EXOC6B: variants seen among roughly 807,000 people sequenced by gnomAD.
EXOC6B encodes the protein exocyst complex component 6B.
EXOC6B carries 54 observed loss-of-function variants against 113.5 expected under a neutral mutation model. The ratio of observed to expected loss-of-function variants is 0.48; its 90% CI spans 0.38 to 0.60. The LOEUF is 0.60. Among genes scored for constraint, EXOC6B ranks in the 20% least tolerant of loss-of-function variants. The pLI is 0.00. For synonymous variants in EXOC6B, 357 were observed against 339.0 expected (o/e 1.05, Z -0.58); for missense variants, 797 against 977.5 (o/e 0.82, Z 2.46).
intron 18 of EXOC6B, among the ~76,000 whole-genome samples, chr2:72,439,920 TCTC>T (rs1558667701): frequency 6.6e-6 from 1 of 152,162 alleles, no homozygotes; most frequent in East Asian, 1.9e-4. Flanking sequence ...ATTGGCCACT[TCTC>T]CATATGGCTG....
At chr2:72,822,468 G>C (rs946486014) in intron 1 of EXOC6B, among the ~76,000 whole-genome samples, 1 of 152,086 alleles carries the variant, frequency 6.6e-6, no homozygotes, top group Non-Finnish European at 1.5e-5. Flanking sequence ...AACATTGCAT[G>C]TACAGCTCAA....
intron 18 of EXOC6B, among the ~76,000 whole-genome samples, chr2:72,395,999 A>G (rs1260130541): frequency 6.6e-6 from 1 of 152,116 alleles, no homozygotes; most frequent in African/African-American, 2.4e-5. Flanking sequence ...AGAATTAAAT[A>G]TTCCACATTT....
intron 6 of EXOC6B, among the ~76,000 whole-genome samples, chr2:72,700,563 T>G (rs563808998): frequency 3.9e-5 from 6 of 152,338 alleles, no homozygotes; most frequent in African/African-American, 1.4e-4. Context: ...ATTCAGTGGT[T>G]ACAGAGTTTC....
At chr2:72,195,469 C>T (rs780766609) in intron 20 of EXOC6B, among the ~76,000 whole-genome samples, 3 of 152,150 alleles carry the variant, frequency 2.0e-5, no homozygotes, top group African/African-American at 4.8e-5. Context: ...GGAACTGCTG[C>T]CACAGATGTT....
chr2:72,401,621 A>G (rs1213017142), intron 18 of EXOC6B, among the ~76,000 whole-genome samples: 3 of 42,858 alleles, frequency 7.0e-5, no homozygotes, highest in South Asian at 4.9e-4. Flanking sequence ...ATATATATAT[A>G]CATATATATA....
chr2:72,551,509 CT>C (rs796570008), intron 8 of EXOC6B, among the ~76,000 whole-genome samples: 1,102 of 109,792 alleles, frequency 0.01, 10 homozygotes, highest in African/African-American at 0.029. Flanking sequence ...ATAATAAAAT[CT>C]TTTTTTTTTT....
intron 19 of EXOC6B, among the ~76,000 whole-genome samples, chr2:72,364,146 C>T (rs975071549): frequency 1.3e-5 from 2 of 151,966 alleles, no homozygotes; most frequent in African/African-American, 2.4e-5. Flanking sequence ...CTTTTATACG[C>T]CTCTGTATAG....
intron 18 of EXOC6B, among the ~76,000 whole-genome samples, chr2:72,393,247 C>T (rs994682466): frequency 2.6e-5 from 4 of 152,020 alleles, no homozygotes; most frequent in African/African-American, 9.7e-5. Flanking sequence ...GCGCATACCA[C>T]CACGCCCAGC....
intron 6 of EXOC6B, among the ~76,000 whole-genome samples, chr2:72,588,533 A>T (rs1705725402): frequency 6.6e-6 from 1 of 152,038 alleles, no homozygotes. Flanking sequence ...GCAAGGGAAT[A>T]TGGGGCGTTA....
intron 21 of EXOC6B, chr2:72,182,861 G>T (rs1678178490): frequency 1.6e-6 from 2 of 1,226,062 alleles, no homozygotes; most frequent in Admixed American, 4.2e-5. Context: ...GCCTCAAAGT[G>T]ATGGAAAAGG....
In EXOC6B at chr2:72,540,057, G is replaced by A. The variant is rs138021417; in HGVS notation, c.915+19396C>T. 8.5e-3 allele frequency among the ~76,000 whole-genome samples: 1,255 copies of A among 147,608 alleles called. 14 individuals carry two copies. The highest frequency in any genetic ancestry group is 0.025 in the African/African-American group (985 of 39,886). ...GAGAATATGCGGTGTTTGGTTTTTT[G>A]TTCTTGCGATAGTTTACTGAGAATG... On this transcript the variant is annotated intron_variant, in intron 8 of 21. Transcript: ENST00000272427.
chr2:72,491,081 C>A (rs2105537613), intron 16 of EXOC6B, among the ~76,000 whole-genome samples: 1 of 152,294 alleles, frequency 6.6e-6, no homozygotes, highest in South Asian at 2.1e-4. Context: ...TTCACTCCAA[C>A]CTTCCTTTTC....
chr2:72,621,596 T>C (rs1328293661), intron 6 of EXOC6B, among the ~76,000 whole-genome samples: 28 of 152,176 alleles, frequency 1.8e-4, no homozygotes, highest in Admixed American at 1.8e-3. Flanking sequence ...GTAACAAATC[T>C]ATACGTATCC....
At chr2:72,800,682 C>T (rs559303021) in intron 1 of EXOC6B, among the ~76,000 whole-genome samples, 121 of 152,214 alleles carry the variant, frequency 7.9e-4, no homozygotes, top group Non-Finnish European at 1.6e-3. Context: ...CAAGGTCACA[C>T]AGTAAATAAG....
chr2:72,366,042 A>C (rs994916753), intron 19 of EXOC6B, among the ~76,000 whole-genome samples: 7 of 152,214 alleles, frequency 4.6e-5, no homozygotes, highest in Non-Finnish European at 8.8e-5. Flanking sequence ...ATGAAATGTA[A>C]AATTTCACGA....
chr2:72,659,830 T>A (rs1674874636), intron 6 of EXOC6B, among the ~76,000 whole-genome samples: 1 of 152,154 alleles, frequency 6.6e-6, no homozygotes, highest in Non-Finnish European at 1.5e-5. Flanking sequence ...CACTACCACA[T>A]CAATAAATAC....
intron 7 of EXOC6B, among the ~76,000 whole-genome samples, chr2:72,573,881 C>T (rs1240591707): frequency 6.6e-6 from 1 of 152,002 alleles, no homozygotes; most frequent in Non-Finnish European, 1.5e-5. Context: ...TTTAGGAGTC[C>T]GAGTCGGGTG....
rs1042133126 is a variant in EXOC6B, at chr2:72,348,760, C to T, written c.2123-13740G>A. ...TGTACAATATAAAATAAATGCTGAT[C>T]GTTAACAAGAAAAATATTAGGACTA... is the stretch of plus-strand genomic sequence containing the variant. On this transcript the variant is annotated intron_variant, in intron 19 of 21. Coordinates refer to ENST00000272427, the MANE Select transcript of EXOC6B (RefSeq NM_015189.3). Among the ~76,000 whole-genome samples, 7 of 152,102 alleles carry T rather than the reference C, an allele frequency of 4.6e-5. No individual in the cohort carries two copies. The South Asian group carries it at 6.2e-4, about 14-fold the overall frequency.
At chr2:72,300,521 G>C (rs918292110) in intron 20 of EXOC6B, among the ~76,000 whole-genome samples, 2 of 152,156 alleles carry the variant, frequency 1.3e-5, no homozygotes, top group African/African-American at 4.8e-5. Context: ...TCCTTTCCAG[G>C]GGAGTGAATG....
Sources: gnomAD v4.1 joint callset for allele counts (sites outside exome capture counted in the v4.1 genomes callset) on GRCh38, gnomAD v4.1.1 for gene constraint, MANE v1.5 for transcripts, NCBI Gene and HGNC (gene_info 2026-07-23, HGNC 2026-07-21) for gene names.